KHDRBS2: variants seen among roughly 807,000 people sequenced by gnomAD.
KHDRBS2 encodes KH RNA binding domain containing, signal transduction associated 2, also known as KH domain-containing, RNA-binding, signal transduction-associated protein 2.
A neutral mutation model predicts 44.3 loss-of-function variants in KHDRBS2; 26 were observed. That is an observed-to-expected ratio of 0.59 (90% confidence interval 0.43 to 0.81). The LOEUF (loss-of-function observed/expected upper bound fraction) is 0.81. Ranked by LOEUF, KHDRBS2 falls within the 40% of genes least tolerant of loss-of-function variation. KHDRBS2 has a pLI of 0.00. For missense variants in KHDRBS2, 476 were observed against 433.1 expected, an observed-to-expected ratio of 1.10 and a Z score of -0.88; for synonymous variants, 194 against 151.1, an observed-to-expected ratio of 1.28 and a Z score of -2.08.
intron 1 of KHDRBS2, among the ~76,000 whole-genome samples, chr6:62,259,620 T>G (rs1283318344): frequency 2.6e-5 from 4 of 151,978 alleles, no homozygotes; most frequent in Non-Finnish European, 5.9e-5. Context: ...AAAAATCATA[T>G]GACAGAAAAC....
intron 1 of KHDRBS2, among the ~76,000 whole-genome samples, chr6:62,188,075 G>C (rs1174142284): frequency 6.6e-6 from 1 of 151,896 alleles, no homozygotes; most frequent in African/African-American, 2.4e-5. Context: ...CCAGCTCTCA[G>C]GTGAACTACC....
At chr6:62,189,829 G>A (rs997733177) in intron 1 of KHDRBS2, among the ~76,000 whole-genome samples, 3 of 152,100 alleles carry the variant, frequency 2.0e-5, no homozygotes, top group Non-Finnish European at 2.9e-5. Context: ...AAAATGACTG[G>A]CAGAAGAACA....
chr6:62,236,807 T>C (rs997113037), intron 1 of KHDRBS2, among the ~76,000 whole-genome samples: 15 of 152,164 alleles, frequency 9.9e-5, no homozygotes, highest in African/African-American at 3.1e-4. Flanking sequence ...ATGCTAAACA[T>C]GTGCTTGGCG....
At chr6:62,199,583 G>A (rs538058764) in intron 1 of KHDRBS2, among the ~76,000 whole-genome samples, 10 of 152,162 alleles carry the variant, frequency 6.6e-5, no homozygotes, top group Non-Finnish European at 1.5e-5. Flanking sequence ...TGAAATAAAA[G>A]AGGATATAAA....
intron 6 of KHDRBS2, among the ~76,000 whole-genome samples, chr6:61,856,609 T>C (rs1796191480): frequency 6.6e-6 from 1 of 152,108 alleles, no homozygotes; most frequent in South Asian, 2.1e-4. Context: ...TAAGTTTTAT[T>C]TTGCAGAGTT....
chr6:62,105,303 C>A (rs1336822605), intron 2 of KHDRBS2, among the ~76,000 whole-genome samples: 1 of 152,114 alleles, frequency 6.6e-6, no homozygotes, highest in Non-Finnish European at 1.5e-5. Flanking sequence ...GTATCACAAA[C>A]AGAAAAAGAA....
At chr6:62,128,880 T>G (rs1390352148) in intron 2 of KHDRBS2, among the ~76,000 whole-genome samples, 2 of 152,086 alleles carry the variant, frequency 1.3e-5, no homozygotes, top group East Asian at 3.8e-4. Context: ...AGTTACATTC[T>G]GCTTATATAC....
chr6:61,687,563 A>T (rs778960440), intron 8 of KHDRBS2, among the ~76,000 whole-genome samples: 6 of 151,826 alleles, frequency 4.0e-5, no homozygotes, highest in Non-Finnish European at 8.8e-5. Context: ...GATGTTCTGC[A>T]TTTGCATTAC....
At chr6:61,944,326 A>G (rs1375564889) in intron 4 of KHDRBS2, among the ~76,000 whole-genome samples, 1 of 152,202 alleles carries the variant, frequency 6.6e-6, no homozygotes, top group African/African-American at 2.4e-5. Flanking sequence ...TAGTCCATAT[A>G]AAAGAATGAA....
the KHDRBS2 span, among the ~76,000 whole-genome samples, chr6:61,569,614 A>G: frequency 3.3e-5 from 5 of 152,288 alleles, no homozygotes; most frequent in African/African-American, 1.2e-4. Flanking sequence ...CATAACCAGC[A>G]TTCAAGGAAG....
intron 2 of KHDRBS2, among the ~76,000 whole-genome samples, chr6:62,119,431 T>C (rs1327637550): frequency 6.6e-6 from 1 of 152,130 alleles, no homozygotes; most frequent in Non-Finnish European, 1.5e-5. Flanking sequence ...ACATCTAACA[T>C]TGTCCTGAGT....
At chr6:61,948,858 T>C (rs1302869176) in intron 4 of KHDRBS2, among the ~76,000 whole-genome samples, 1 of 151,870 alleles carries the variant, frequency 6.6e-6, no homozygotes, top group Non-Finnish European at 1.5e-5. Context: ...GCTTTGGTGA[T>C]AGTGCTGATG....
At chr6:61,958,498 C>T (rs1286430656) in intron 4 of KHDRBS2, among the ~76,000 whole-genome samples, 2 of 152,146 alleles carry the variant, frequency 1.3e-5, no homozygotes, top group Non-Finnish European at 2.9e-5. Context: ...TTTATTCTAA[C>T]AAACTATTCA....
chr6:62,215,452 A>G (rs1187213332), intron 1 of KHDRBS2, among the ~76,000 whole-genome samples: 5 of 151,842 alleles, frequency 3.3e-5, no homozygotes, highest in African/African-American at 1.2e-4. Flanking sequence ...CCCTGCAGAT[A>G]GAAGGAACTG....
At chr6:61,627,487 T>A in the KHDRBS2 span, among the ~76,000 whole-genome samples, 1 of 152,186 alleles carries the variant, frequency 6.6e-6, no homozygotes, top group African/African-American at 2.4e-5. Context: ...GAAAGTCCTA[T>A]CATGTGATTA....
chr6:61,607,503 T>C, the KHDRBS2 span, among the ~76,000 whole-genome samples: 2 of 65,818 alleles, frequency 3.0e-5, no homozygotes, highest in African/African-American at 1.2e-4. Flanking sequence ...GGTAGAAGCA[T>C]ACATATGAGT....
chr6:61,977,050 T>A (rs1304541476), intron 4 of KHDRBS2, among the ~76,000 whole-genome samples: 1 of 152,176 alleles, frequency 6.6e-6, no homozygotes, highest in Non-Finnish European at 1.5e-5. Context: ...TATAAATAGA[T>A]TATGTGACTA....
At chr6:62,082,808 A>T (rs550585220) in intron 2 of KHDRBS2, among the ~76,000 whole-genome samples, 1 of 152,274 alleles carries the variant, frequency 6.6e-6, no homozygotes, top group East Asian at 1.9e-4. Flanking sequence ...CGCTTTTGGA[A>T]TCCTGCTTAC....
At chr6:62,245,617 G>T (rs1490911454) in intron 1 of KHDRBS2, among the ~76,000 whole-genome samples, 1 of 152,032 alleles carries the variant, frequency 6.6e-6, no homozygotes, top group Non-Finnish European at 1.5e-5. Context: ...GATAAATTAT[G>T]TGCCAATGCC....
Sources: gnomAD v4.1 joint callset for allele counts (sites outside exome capture counted in the v4.1 genomes callset) on GRCh38, gnomAD v4.1.1 for gene constraint, MANE v1.5 for transcripts, NCBI Gene and HGNC (gene_info 2026-07-23, HGNC 2026-07-21) for gene names.